GOLPH3L: variants seen among roughly 807,000 people sequenced by gnomAD.
The protein encoded by GOLPH3L is Golgi phosphoprotein 3-like.
GOLPH3L carries 22 observed loss-of-function variants against 30.3 expected under a neutral mutation model. The observed-to-expected ratio is 0.73, with a 90% CI of 0.52 to 1.04. The LOEUF is 1.04. Among genes scored for constraint, GOLPH3L ranks in the 50% least tolerant of loss-of-function variants. The probability of loss-of-function intolerance (pLI) is 0.00; values close to 1 mark genes in which losing one functional copy is unlikely to be tolerated. For missense variants in GOLPH3L, 303 were observed against 345.8 expected (o/e 0.88, Z 0.98); for synonymous variants, 120 against 128.2 (o/e 0.94, Z 0.43).
Position 150,678,770 on chromosome 1 carries a change from C to A in GOLPH3L, c.184-15007G>T, listed in dbSNP as rs187333555. Among the ~76,000 whole-genome samples the A allele has an allele frequency of 5.9e-5, 9 of 152,254 alleles. No individual in the cohort carries two copies. The East Asian group carries it at 1.5e-3, about 26-fold the overall frequency. ...AAGAGATCAAGACCATCCTGGCCAACATGGTGAAACCCCATCTCTAGTAAA... is the reference window on the plus strand; with the variant it reads ...AAGAGATCAAGACCATCCTGGCCAAAATGGTGAAACCCCATCTCTAGTAAA... On this transcript the variant is annotated intron_variant, in intron 2 of 4. Transcript: ENST00000271732.
chr1:150,665,191 A>G (rs1252883706), intron 2 of GOLPH3L, among the ~76,000 whole-genome samples: 2 of 152,190 alleles, frequency 1.3e-5, no homozygotes, highest in Admixed American at 1.3e-4. Context: ...CCCACACATT[A>G]AAGATGAGAA....
intron 2 of GOLPH3L, among the ~76,000 whole-genome samples, chr1:150,675,257 T>C (rs1650745885): frequency 6.6e-6 from 1 of 152,026 alleles, no homozygotes; most frequent in Non-Finnish European, 1.5e-5. Flanking sequence ...ACTAGGTAAG[T>C]GTAGATTTTT....
chr1:150,654,487 G>A (rs1381809064), intron 4 of GOLPH3L, among the ~76,000 whole-genome samples: 1 of 151,280 alleles, frequency 6.6e-6, no homozygotes, highest in South Asian at 2.1e-4. Context: ...AGCCTGGGAG[G>A]CAGAGCAAGA....
chr1:150,672,321 A>G (rs1263489636), intron 2 of GOLPH3L, among the ~76,000 whole-genome samples: 1 of 152,224 alleles, frequency 6.6e-6, no homozygotes, highest in East Asian at 1.9e-4. Flanking sequence ...CACTCTATTA[A>G]AAGAGTGGTA....
At chr1:150,690,032 G>T (rs1027792793) in intron 2 of GOLPH3L, among the ~76,000 whole-genome samples, 2 of 151,930 alleles carry the variant, frequency 1.3e-5, no homozygotes, top group Non-Finnish European at 2.9e-5. Context: ...TGTCACCCAG[G>T]TTGGAGTACA....
At chr1:150,673,654 C>T (rs183893232) in intron 2 of GOLPH3L, among the ~76,000 whole-genome samples, 174 of 152,070 alleles carry the variant, frequency 1.1e-3, no homozygotes, top group African/African-American at 4.0e-3. Flanking sequence ...ACAGGCCAGG[C>T]TCAGTGGCTC....
At chr1:150,689,942 T>C (rs1410476037) in intron 2 of GOLPH3L, among the ~76,000 whole-genome samples, 1 of 151,164 alleles carries the variant, frequency 6.6e-6, no homozygotes, top group Non-Finnish European at 1.5e-5. Flanking sequence ...TCTGGCCAGA[T>C]GCTTAATATT....
Position 150,648,545 on chromosome 1 carries a change from C to T in GOLPH3L, c.634G>A (p.Val212Ile). The part of the protein sequence containing the change: ...KLQDSVLERW[V>I]NDPQRMDKRT... ...TTGTCCATACGCTGAGGGTCATTTA[C>T]CCACCGCTCTAGTACACTATCTTGA... The change falls in exon 5 of 5, where the codon GTA (valine) becomes ATA (isoleucine). Residue 212 changes from valine (V) to isoleucine (I), a missense_variant. Val to Ile is a conservative substitution (Grantham distance 29, BLOSUM62 3). Coordinates refer to ENST00000271732, the MANE Select transcript of GOLPH3L (RefSeq NM_018178.6). The T allele has an allele frequency of 6.2e-7, 1 of 1,613,870 alleles. No homozygotes were observed. Among genetic ancestry groups the T allele is most frequent in the Non-Finnish European group, 8.5e-7 (1 of 1,179,760 alleles).
At chr1:150,661,459 T>C (rs916293677) in intron 4 of GOLPH3L, among the ~76,000 whole-genome samples, 3 of 152,168 alleles carry the variant, frequency 2.0e-5, no homozygotes, top group Non-Finnish European at 4.4e-5. Flanking sequence ...ACAAATGTGG[T>C]ATGGCCATGC....
intron 4 of GOLPH3L, among the ~76,000 whole-genome samples, chr1:150,651,947 C>A (rs982020184): frequency 6.6e-6 from 1 of 152,092 alleles, no homozygotes; most frequent in Non-Finnish European, 1.5e-5. Context: ...GAAAAACACT[C>A]AACCACACAT....
intron 2 of GOLPH3L, among the ~76,000 whole-genome samples, chr1:150,667,736 G>A (rs1166166686): frequency 1.3e-5 from 2 of 151,886 alleles, no homozygotes; most frequent in African/African-American, 2.4e-5. Flanking sequence ...GGGACTACAG[G>A]CGCCCGCCAC....
intron 4 of GOLPH3L, among the ~76,000 whole-genome samples, chr1:150,654,504 G>A (rs868108789): frequency 8.8e-5 from 13 of 147,726 alleles, no homozygotes; most frequent in African/African-American, 3.1e-4. Context: ...AAGACATTCC[G>A]TTTAAAAAAA....
At chr1:150,653,743 ACCACAC>A (rs1246087975) in intron 4 of GOLPH3L, among the ~76,000 whole-genome samples, 1 of 151,050 alleles carries the variant, frequency 6.6e-6, no homozygotes, top group Non-Finnish European at 1.5e-5. Context: ...GGTGTGAGCC[ACCACAC>A]CCACTACAAC....
At chr1:150,654,820 C>T (rs1236181461) in intron 4 of GOLPH3L, among the ~76,000 whole-genome samples, 1 of 152,182 alleles carries the variant, frequency 6.6e-6, no homozygotes, top group Non-Finnish European at 1.5e-5. Flanking sequence ...GGAACTCCCG[C>T]AAAAGGTCCC....
chr1:150,669,494 G>C (rs1249004806), intron 2 of GOLPH3L, among the ~76,000 whole-genome samples: 1 of 152,168 alleles, frequency 6.6e-6, no homozygotes, highest in African/African-American at 2.4e-5. Flanking sequence ...TGAGCAGGAA[G>C]ACCTAGCACG....
intron 2 of GOLPH3L, among the ~76,000 whole-genome samples, chr1:150,674,567 T>TC (rs1174886479): frequency 6.6e-6 from 1 of 152,014 alleles, no homozygotes; most frequent in African/African-American, 2.4e-5. Flanking sequence ...TCGGCCTTTT[T>TC]CTTTTTTTTA....
chr1:150,664,886 T>C (rs1159943672), intron 2 of GOLPH3L, among the ~76,000 whole-genome samples: 1 of 152,186 alleles, frequency 6.6e-6, no homozygotes, highest in African/African-American at 2.4e-5. Flanking sequence ...TTTCATAAGA[T>C]TGTTATGAGG....
At chr1:150,658,782 A>T (rs1571036776) in intron 4 of GOLPH3L, among the ~76,000 whole-genome samples, 1 of 152,226 alleles carries the variant, frequency 6.6e-6, no homozygotes, top group Non-Finnish European at 1.5e-5. Flanking sequence ...ATCTGGAAAC[A>T]TGGTGGTAGA....
chr1:150,692,575 T>C (rs1454157280), intron 2 of GOLPH3L, among the ~76,000 whole-genome samples: 1 of 152,126 alleles, frequency 6.6e-6, no homozygotes, highest in Non-Finnish European at 1.5e-5. Context: ...AAATTTTTTG[T>C]AGAGATGGTG....
Sources: allele counts gnomAD v4.1 joint callset (sites outside exome capture counted in the v4.1 genomes callset), GRCh38; gene constraint gnomAD v4.1.1; transcripts MANE v1.5; gene names NCBI Gene and HGNC (gene_info 2026-07-23, HGNC 2026-07-21).